Variants in NEDD4L observed in about 807,000 individuals in gnomAD.
The protein encoded by NEDD4L is E3 ubiquitin-protein ligase NEDD4-like.
A neutral mutation model predicts 148.9 loss-of-function variants in NEDD4L; 54 were observed. That is an observed-to-expected ratio of 0.36 (90% CI 0.29 to 0.45). NEDD4L has a LOEUF of 0.45. Among genes scored for constraint, NEDD4L ranks in the 20% least tolerant of loss-of-function variants. NEDD4L has a pLI of 1.00. For missense variants in NEDD4L, 856 were observed against 1,233.8 expected (o/e 0.69, Z 4.59); for synonymous variants, 433 against 440.7 (o/e 0.98, Z 0.22).
chr18:58,089,227 G>A (rs1262273437), intron 1 of NEDD4L, among the ~76,000 whole-genome samples: 2 of 144,668 alleles, frequency 1.4e-5, no homozygotes, highest in Admixed American at 1.5e-4. Context: ...TTTGCCTCCT[G>A]GGTTCAAGCG....
chr18:58,134,725 A>G (rs1342101791), intron 1 of NEDD4L, among the ~76,000 whole-genome samples: 2 of 142,024 alleles, frequency 1.4e-5, no homozygotes, highest in Non-Finnish European at 3.1e-5. Context: ...TTCCCCTTCT[A>G]TTTTTTCTTT....
At chr18:58,246,086 A>G (rs1411529137) in intron 3 of NEDD4L, among the ~76,000 whole-genome samples, 2 of 152,028 alleles carry the variant, frequency 1.3e-5, no homozygotes, top group African/African-American at 4.8e-5. Context: ...GTACTAACCC[A>G]AGATAGTGAT....
chr18:58,286,359 T>A (rs1286902107), intron 5 of NEDD4L, among the ~76,000 whole-genome samples: 7 of 152,202 alleles, frequency 4.6e-5, no homozygotes, highest in African/African-American at 1.4e-4. Context: ...AACTGGACAT[T>A]GGAAAAAATT....
chr18:58,341,177 G>C lies in NEDD4L; in HGVS notation c.1257+8G>C. The C allele has an allele frequency of 1.9e-6, 3 of 1,611,614 alleles. No homozygotes were observed. Among genetic ancestry groups the C allele is most frequent in the Non-Finnish European group, 1.7e-6 (2 of 1,179,110 alleles). On this transcript the variant is annotated splice_region_variant and intron_variant, in intron 14 of 30. Transcript: ENST00000400345. ...ACTCGACCTATCATGCAGGTACGAA[G>C]ATTGCCATCCAACTTAAAACCGCAG...
intron 5 of NEDD4L, among the ~76,000 whole-genome samples, chr18:58,287,803 G>T (rs772186747): frequency 3.3e-5 from 5 of 152,126 alleles, no homozygotes; most frequent in Non-Finnish European, 7.4e-5. Context: ...GCGCGAGCCT[G>T]TGTGTTTTGC....
chr18:58,322,307 C>A, intron 6 of NEDD4L, 118 bp from the exon 7 acceptor site: 1 of 740,594 alleles, frequency 1.4e-6, no homozygotes, highest in Non-Finnish European at 2.4e-6. Context: ...TGAAGAAACA[C>A]ATTCAGCGGT....
At chr18:58,147,491 G>C (rs368488652) in intron 1 of NEDD4L, among the ~76,000 whole-genome samples, 1 of 152,194 alleles carries the variant, frequency 6.6e-6, no homozygotes, top group African/African-American at 2.4e-5. Flanking sequence ...GCTTAGAGCT[G>C]CCTGAGCTTG....
chr18:58,250,677 G>T (rs979715703), intron 4 of NEDD4L, among the ~76,000 whole-genome samples: 4 of 152,100 alleles, frequency 2.6e-5, no homozygotes, highest in Non-Finnish European at 5.9e-5. Context: ...CCATGAAGCA[G>T]CCAGGGCCTA....
chr18:58,258,601 A>G (rs966721687), intron 5 of NEDD4L, among the ~76,000 whole-genome samples: 12 of 152,242 alleles, frequency 7.9e-5, no homozygotes, highest in Non-Finnish European at 1.5e-4. Context: ...ACAAGTTTCT[A>G]CACATTTGGA....
At chr18:58,275,503 C>G (rs1437557885) in intron 5 of NEDD4L, among the ~76,000 whole-genome samples, 2 of 152,196 alleles carry the variant, frequency 1.3e-5, no homozygotes, top group Non-Finnish European at 2.9e-5. Context: ...CAAATAATCT[C>G]CCATTTCTTG....
intron 2 of NEDD4L, among the ~76,000 whole-genome samples, 180 bp from the exon 3 acceptor site, chr18:58,245,247 G>A (rs533719878): frequency 2.0e-5 from 3 of 152,110 alleles, no homozygotes; most frequent in Admixed American, 6.6e-5. Flanking sequence ...CACTGGTTTT[G>A]ATAGGAACTT....
chr18:58,199,631 A>C (rs1241577116), intron 2 of NEDD4L, among the ~76,000 whole-genome samples: 1 of 152,160 alleles, frequency 6.6e-6, no homozygotes, highest in Admixed American at 6.5e-5. Flanking sequence ...GGTGATTCTG[A>C]TGCTATATAG....
chr18:58,150,040 T>C (rs922546933), intron 1 of NEDD4L, among the ~76,000 whole-genome samples: 4 of 152,254 alleles, frequency 2.6e-5, no homozygotes, highest in Non-Finnish European at 5.9e-5. Context: ...GGAAGAATTA[T>C]GGATTTTCTC....
At chr18:58,127,290 G>A (rs978009568) in intron 1 of NEDD4L, among the ~76,000 whole-genome samples, 7 of 152,272 alleles carry the variant, frequency 4.6e-5, no homozygotes, top group African/African-American at 1.7e-4. Context: ...ACAGGACGCT[G>A]CAGATGTGGA....
At chr18:58,123,356 C>G (rs374863113) in intron 1 of NEDD4L, among the ~76,000 whole-genome samples, 2 of 152,282 alleles carry the variant, frequency 1.3e-5, no homozygotes, top group East Asian at 3.9e-4. Context: ...ATCTTCCGTT[C>G]CCAGCCTTCC....
intron 5 of NEDD4L, among the ~76,000 whole-genome samples, chr18:58,263,682 T>C (rs756160425): frequency 1.7e-4 from 24 of 144,948 alleles, no homozygotes; most frequent in Non-Finnish European, 3.5e-4. Flanking sequence ...TTTTTTTCTC[T>C]CTCTCATGTT....
intron 2 of NEDD4L, among the ~76,000 whole-genome samples, chr18:58,175,769 A>G (rs1437389024): frequency 6.6e-6 from 1 of 152,238 alleles, no homozygotes; most frequent in Non-Finnish European, 1.5e-5. Flanking sequence ...TCCCGCAAAT[A>G]TAGATAAAAA....
intron 1 of NEDD4L, among the ~76,000 whole-genome samples, chr18:58,111,859 G>T (rs494055): frequency 0.071 from 10,799 of 152,218 alleles, 488 homozygotes; most frequent in African/African-American, 0.12. Context: ...GAATGGAACT[G>T]CCAGACTGTT....
At chr18:58,372,049 T>A (rs1428008189) in intron 23 of NEDD4L, 2 of 151,970 alleles carry the variant, frequency 1.3e-5, no homozygotes, top group African/African-American at 4.8e-5. Context: ...ACCTGGAGAG[T>A]GATCAAAGCA....
Sources: gnomAD v4.1 joint callset for allele counts (sites outside exome capture counted in the v4.1 genomes callset) on GRCh38, gnomAD v4.1.1 for gene constraint, MANE v1.5 for transcripts, NCBI Gene and HGNC (gene_info 2026-07-23, HGNC 2026-07-21) for gene names.